The following AAK1 variants were observed in gnomAD, a reference collection of about 807,000 sequenced individuals.
The protein encoded by AAK1 is AP2-associated protein kinase 1.
AAK1 carries 37 observed loss-of-function variants against 116.0 expected under a neutral mutation model. The ratio of observed to expected loss-of-function variants is 0.32; its 90% CI spans 0.25 to 0.42. AAK1 has a LOEUF of 0.42. Ranked by LOEUF, AAK1 falls within the 10% of genes least tolerant of loss-of-function variation. The pLI is 1.00. For synonymous variants in AAK1, 458 were observed against 439.9 expected, an observed-to-expected ratio of 1.04 and a Z score of -0.51; for missense variants, 919 against 1,170.6, an observed-to-expected ratio of 0.79 and a Z score of 3.14.
rs972261173 is a variant in AAK1, at chr2:69,474,633, C to A, written c.*1236G>T. ...ACATCAGAAAGAAAGGTAAGCTGGG[C>A]ACACCCAGATTGTGTCCAGCTTGTC... On this transcript the variant is annotated 3_prime_UTR_variant, in exon 22 of 22. Transcript: ENST00000409085. 7 of 985,334 alleles carry A rather than the reference C, an allele frequency of 7.1e-6. No homozygotes were observed. The East Asian group carries it at 3.4e-4, about 48-fold the overall frequency. The allele number at this position is 985,334 out of a possible 1,614,324, so 61.0% of individuals were successfully genotyped here.
At chr2:69,601,212 C>G (rs1673563830) in intron 2 of AAK1, among the ~76,000 whole-genome samples, 1 of 152,212 alleles carries the variant, frequency 6.6e-6, no homozygotes, top group Non-Finnish European at 1.5e-5. Context: ...AAGTATACCA[C>G]TGGGTGTTTT....
Position 69,499,074 on chromosome 2 carries a change from G to T in AAK1, c.2270-2994C>A, listed in dbSNP as rs562273357. 3.1e-4 allele frequency among the ~76,000 whole-genome samples: 47 copies of T among 152,292 alleles called. 1 individual carries two copies. In the South Asian group the frequency reaches 4.1e-3, roughly 13 times the overall value. ...GGTCAGCCCCAGTGTGCCAGCAGCT[G>T]CTATCAGACCCAGCTCAGTGACTGG... On this transcript the variant is annotated intron_variant, in intron 16 of 21. Coordinates refer to ENST00000409085, the MANE Select transcript of AAK1 (RefSeq NM_014911.5).
At chr2:69,530,807 C>T (rs1049015381) in intron 6 of AAK1, 101 bp from the exon 7 acceptor site, 1 of 838,156 alleles carries the variant, frequency 1.2e-6, no homozygotes, top group African/African-American at 1.7e-5. Context: ...AACAGAATCC[C>T]TGGGAGCAAT....
Position 69,532,145 on chromosome 2 carries a change from C to A in AAK1, c.552G>T (p.Leu184Phe). Reference sequence around the variant, plus strand: ...ACAGGACATAGTGGCCTCGGTCATGCAAGAGGATGTTTTCAACCTGAAAAA... The same window carrying A: ...ACAGGACATAGTGGCCTCGGTCATGAAAGAGGATGTTTTCAACCTGAAAAA... Reference protein sequence around the residue: ...HRDLKVENILLHDRGHYVLCD... With the variant: ...HRDLKVENILFHDRGHYVLCD... The change falls in exon 6 of 22, where the codon TTG becomes TTT. Residue 184 changes from leucine to phenylalanine, a missense_variant. Physicochemically the swap from Leu to Phe is conservative, Grantham distance 22. Around this residue, in one of 4 missense-constraint regions of AAK1, gnomAD observed 317 missense variants for 490.4 expected, o/e 0.65. Coordinates refer to ENST00000409085, the MANE Select transcript of AAK1 (RefSeq NM_014911.5). 6.2e-7 allele frequency: 1 copy of A among 1,613,466 alleles called. No individual in the cohort carries two copies. Among genetic ancestry groups the A allele is most frequent in the Non-Finnish European group, 8.5e-7 (1 of 1,179,536 alleles).
intron 2 of AAK1, among the ~76,000 whole-genome samples, chr2:69,613,805 A>C (rs1674197632): frequency 1.3e-5 from 2 of 152,226 alleles, no homozygotes; most frequent in African/African-American, 4.8e-5. Flanking sequence ...ATAAACTGAT[A>C]AACATAAAGT....
chr2:69,613,376 C>T (rs1238184118), intron 2 of AAK1, among the ~76,000 whole-genome samples: 1 of 152,180 alleles, frequency 6.6e-6, no homozygotes, highest in Non-Finnish European at 1.5e-5. Flanking sequence ...GCCCCTGTTT[C>T]CTAACACAAA....
At chr2:69,508,466 C>G (rs1176930380) in intron 14 of AAK1, among the ~76,000 whole-genome samples, 1 of 152,192 alleles carries the variant, frequency 6.6e-6, no homozygotes, top group African/African-American at 2.4e-5. Flanking sequence ...AGTTAAGGGT[C>G]TGAAACTGCA....
Position 69,465,209 on chromosome 2 carries a change from C to T in AAK1, c.*10660G>A. ...CTCCAAGTCCAGAAATCAATATAAA[C>T]AAACAAACAAACAAACAAAAATGAA... On this transcript the variant is annotated 3_prime_UTR_variant, in exon 22 of 22. Coordinates refer to ENST00000409085, the MANE Select transcript of AAK1 (RefSeq NM_014911.5). 3.0e-6 allele frequency: 1 copy of T among 338,348 alleles called. No individual in the cohort carries two copies. Among genetic ancestry groups the T allele is most frequent in the Non-Finnish European group, 5.3e-6 (1 of 190,056 alleles). 21.0% of individuals were successfully genotyped at this position (338,348 alleles called of 1,614,324 possible). A position where few individuals can be genotyped will look rare whatever the true frequency, so the allele number is the denominator to read the frequency against.
intron 5 of AAK1, among the ~76,000 whole-genome samples, chr2:69,532,686 G>C (rs985033171): frequency 1.1e-4 from 16 of 152,164 alleles, no homozygotes; most frequent in African/African-American, 3.9e-4. Context: ...TACTTCACTT[G>C]GACCTTATAA....
At chr2:69,489,325 C>A (rs188435926) in intron 17 of AAK1, among the ~76,000 whole-genome samples, 24 of 151,922 alleles carry the variant, frequency 1.6e-4, no homozygotes, top group Non-Finnish European at 3.4e-4. Context: ...GTGGCGCATG[C>A]CTGTAATCTG....
chr2:69,459,291 T>G lies in AAK1; in HGVS notation c.*16578A>C, dbSNP rs1674285396. 6.6e-6 allele frequency: 1 copy of G among 152,196 alleles called. No homozygotes were observed. Among genetic ancestry groups the G allele is most frequent in the Admixed American group, 6.6e-5 (1 of 15,258 alleles). 9.4% of individuals were successfully genotyped at this position (152,196 alleles called of 1,614,324 possible). A position where few individuals can be genotyped will look rare whatever the true frequency, so the allele number is the denominator to read the frequency against. On this transcript the variant is annotated 3_prime_UTR_variant, in exon 22 of 22. Transcript: ENST00000409085. Reference sequence around the variant, plus strand: ...TTTGTTTTGTTTTTTTGAGACAGGGTCTGGCTCTATTGCCTGGGCTGGAGT... The same window carrying G: ...TTTGTTTTGTTTTTTTGAGACAGGGGCTGGCTCTATTGCCTGGGCTGGAGT...
At chr2:69,555,788 C>G (rs1671365795) in intron 3 of AAK1, among the ~76,000 whole-genome samples, 3 of 151,744 alleles carry the variant, frequency 2.0e-5, no homozygotes, top group Admixed American at 2.0e-4. Context: ...TGTGGAAGCA[C>G]AAAGGAATAA....
rs1006831684 is a variant in AAK1, at chr2:69,459,113, G to C, written c.*16756C>G. On this transcript the variant is annotated 3_prime_UTR_variant, in exon 22 of 22. Transcript: ENST00000409085. ...GTAGCCATTTTTACCAGCTATTCTA[G>C]AGTCCCTTCACACATAAACTTGACC... 6.6e-6 allele frequency: 1 copy of C among 152,156 alleles called. No individual in the cohort carries two copies. The highest frequency in any genetic ancestry group is 1.5e-5 in the Non-Finnish European group (1 of 68,036). The allele number at this position is 152,156 out of a possible 1,614,324, so 9.4% of individuals were successfully genotyped here. A position where few individuals can be genotyped will look rare whatever the true frequency, so the allele number is the denominator to read the frequency against.
chr2:69,591,359 C>T (rs536072910), intron 2 of AAK1, among the ~76,000 whole-genome samples: 1 of 152,148 alleles, frequency 6.6e-6, no homozygotes, highest in South Asian at 2.1e-4. Context: ...CCATATGCCA[C>T]CAAGGTATGG....
chr2:69,612,621 T>A (rs1244268400), intron 2 of AAK1, among the ~76,000 whole-genome samples: 2 of 152,240 alleles, frequency 1.3e-5, no homozygotes, highest in Non-Finnish European at 1.5e-5. Context: ...CTTTCTAGCA[T>A]CTTCTCTATG....
At chr2:69,554,865 C>T (rs2312213) in intron 3 of AAK1, among the ~76,000 whole-genome samples, 1 of 152,090 alleles carries the variant, frequency 6.6e-6, no homozygotes, top group Non-Finnish European at 1.5e-5. Context: ...GCTAATACGC[C>T]TCTGGGCCAA....
rs1008594657 is a variant in AAK1, at chr2:69,524,978, T to C, written c.1055+55A>G. On this transcript the variant is annotated intron_variant, in intron 10 of 21. Transcript: ENST00000409085. ...AAGAATCAAGAAACACAGGCATCAT[T>C]CCCTGCTGCTGTGGCAATCCAAGGA... is the stretch of plus-strand genomic sequence containing the variant. The C allele has an allele frequency of 9.3e-6, 14 of 1,510,442 alleles. No homozygotes were observed. In the Admixed American group the frequency reaches 2.2e-4, roughly 24 times the overall value. 93.6% of individuals were successfully genotyped at this position (1,510,442 alleles called of 1,614,324 possible).
In AAK1 at chr2:69,609,943, G is replaced by A. The variant is rs527325762; in HGVS notation, c.163+32935C>T. On this transcript the variant is annotated intron_variant, in intron 2 of 21. Coordinates refer to ENST00000409085, the MANE Select transcript of AAK1 (RefSeq NM_014911.5). ...CGGGCACCTGTAGTCCCAGCTACTC[G>A]GGAGGCTGAGGCAAGAGAATGGCGT... Among the ~76,000 whole-genome samples the A allele has an allele frequency of 4.0e-5, 6 of 150,298 alleles. No individual in the cohort carries two copies. In the South Asian group the frequency reaches 1.1e-3, roughly 26 times the overall value.
intron 2 of AAK1, among the ~76,000 whole-genome samples, chr2:69,612,866 T>C (rs1300565220): frequency 6.6e-6 from 1 of 152,258 alleles, no homozygotes; most frequent in Non-Finnish European, 1.5e-5. Flanking sequence ...GTCAACTTTA[T>C]GTTTTGGTCA....
Sources: gnomAD v4.1 joint callset for allele counts (sites outside exome capture counted in the v4.1 genomes callset) on GRCh38, gnomAD v4.1.1 for gene constraint, gnomAD v4.1.1 regional missense constraint, MANE v1.5 for transcripts, NCBI Gene and HGNC (gene_info 2026-07-23, HGNC 2026-07-21) for gene names.